Variants in SPTBN1 observed in about 807,000 individuals in gnomAD.
SPTBN1 encodes the protein spectrin beta chain, non-erythrocytic 1.
SPTBN1 carries 32 observed loss-of-function variants against 266.4 expected under a neutral mutation model. That is an observed-to-expected ratio of 0.12 (90% confidence interval 0.09 to 0.16). SPTBN1 has a LOEUF of 0.16. SPTBN1 is among the 10% of genes least tolerant of loss of function. The pLI is 1.00. For missense variants in SPTBN1, 2,296 were observed against 3,067.1 expected (o/e 0.75, Z 5.94); for synonymous variants, 1,336 against 1,162.2 (o/e 1.15, Z -3.04).
intron 2 of SPTBN1, among the ~76,000 whole-genome samples, chr2:54,585,248 A>T (rs534069627): frequency 6.6e-5 from 10 of 152,336 alleles, no homozygotes; most frequent in African/African-American, 2.4e-4. Flanking sequence ...GTGTTCCTAT[A>T]ATGCAAAATA....
chr2:54,534,473 A>G (rs1292618317), intron 2 of SPTBN1, among the ~76,000 whole-genome samples: 1 of 152,240 alleles, frequency 6.6e-6, no homozygotes, highest in Non-Finnish European at 1.5e-5. Flanking sequence ...CAAGTTGTTC[A>G]TGAAAGCTAT....
At chr2:54,482,215 T>TA (rs1668135892) in intron 1 of SPTBN1, among the ~76,000 whole-genome samples, 1 of 151,940 alleles carries the variant, frequency 6.6e-6, no homozygotes, top group Non-Finnish European at 1.5e-5. Context: ...TGAGGAGACT[T>TA]AAAAAAATGC....
In SPTBN1 at chr2:54,632,732, A is replaced by G; in HGVS notation, c.3731A>G (p.Asp1244Gly). 3 of 1,614,212 alleles carry G rather than the reference A, an allele frequency of 1.9e-6. No homozygotes were observed. The highest frequency in any genetic ancestry group is 1.3e-5 in the African/African-American group (1 of 75,050). ...GTGAGCGATGGGAACATCAACTCAG[A>G]TCGCATCCAGGAGAAGGTGGACTCT... The part of the protein sequence containing the change: ...RLVSDGNINS[D>G]RIQEKVDSID... The change falls in exon 17 of 36, where the codon GAT (aspartate) becomes GGT (glycine). Residue 1244 changes from aspartate to glycine, a missense_variant. Physicochemically the swap from Asp to Gly is moderately conservative, Grantham distance 94. Coordinates refer to ENST00000356805, the MANE Select transcript of SPTBN1 (RefSeq NM_003128.3).
intron 1 of SPTBN1, chr2:54,520,308 G>A (rs1234414943): frequency 2.0e-5 from 3 of 152,118 alleles, no homozygotes; most frequent in Non-Finnish European, 4.4e-5. Context: ...TCAATATAGA[G>A]GAGAACTAAC....
chr2:54,581,645 G>A (rs1674921309), intron 2 of SPTBN1, among the ~76,000 whole-genome samples: 1 of 134,924 alleles, frequency 7.4e-6, no homozygotes, highest in South Asian at 2.4e-4. Flanking sequence ...TGAAGGTACA[G>A]CCCACAGTTT....
chr2:54,502,895 C>T (rs1011756786), intron 1 of SPTBN1, among the ~76,000 whole-genome samples: 1 of 152,144 alleles, frequency 6.6e-6, no homozygotes, highest in Non-Finnish European at 1.5e-5. Context: ...CAGGAATGAG[C>T]TCTGCACGGA....
rs549602193 is a variant in SPTBN1, at chr2:54,516,131, G to A, written c.-47-10241G>A. 10 of 152,184 alleles carry A rather than the reference G, an allele frequency of 6.6e-5. No homozygotes were observed. In the South Asian group the frequency reaches 2.1e-3, roughly 32 times the overall value. The allele number at this position is 152,184 out of a possible 1,614,324, so 9.4% of individuals were successfully genotyped here. ...CTATTAAAGGGTTCTTGCCTTAGAG[G>A]GTAGGCCAATTTGTTCATTTAAAGC... On this transcript the variant is annotated intron_variant, in intron 1 of 35. Coordinates refer to ENST00000356805, the MANE Select transcript of SPTBN1 (RefSeq NM_003128.3).
At chr2:54,483,058 A>C (rs1365488441) in intron 1 of SPTBN1, among the ~76,000 whole-genome samples, 1 of 152,154 alleles carries the variant, frequency 6.6e-6, no homozygotes, top group Non-Finnish European at 1.5e-5. Flanking sequence ...CAGGGAAGAG[A>C]GAATGCAGCT....
Position 54,558,892 on chromosome 2 carries a change from GC to G in SPTBN1, c.148+32331del, listed in dbSNP as rs752486027. On this transcript the variant is annotated intron_variant, in intron 2 of 35. Transcript: ENST00000356805. This position sits in a 1 kb window ranked among gnomAD's most constrained non-coding sequence, Gnocchi z 4.6. ...GCAGATTCAAGCAGCTGCAAGGTAAGCCCCCTCCCAAAGGCCGGGCCTGTCC... is the reference window on the plus strand; with the variant it reads ...GCAGATTCAAGCAGCTGCAAGGTAAGCCCCTCCCAAAGGCCGGGCCTGTCC... The G allele has an allele frequency of 1.2e-6, 2 of 1,612,516 alleles. No homozygotes were observed. The highest frequency in any genetic ancestry group is 1.7e-5 in the Admixed American group (1 of 59,888).
At chr2:54,566,259 G>C (rs1359907839) in intron 2 of SPTBN1, among the ~76,000 whole-genome samples, 4 of 147,500 alleles carry the variant, frequency 2.7e-5, no homozygotes, top group Non-Finnish European at 5.9e-5. Context: ...CATGATCTCA[G>C]CTCACCGCAA....
At chr2:54,537,085 G>A (rs995488004) in intron 2 of SPTBN1, among the ~76,000 whole-genome samples, 1 of 152,128 alleles carries the variant, frequency 6.6e-6, no homozygotes, top group African/African-American at 2.4e-5. Flanking sequence ...TCATGCAAAT[G>A]AGCCCTGAAA....
In SPTBN1 at chr2:54,540,115, A is replaced by G. The variant is rs1394861547; in HGVS notation, c.148+13549A>G. Among the ~76,000 whole-genome samples the G allele has an allele frequency of 2.6e-5, 4 of 152,156 alleles. No homozygotes were observed. Among genetic ancestry groups the G allele is most frequent in the Admixed American group, 2.6e-4 (4 of 15,274 alleles). On this transcript the variant is annotated intron_variant, in intron 2 of 35. Transcript: ENST00000356805. This position sits in a 1 kb window ranked among gnomAD's most constrained non-coding sequence, Gnocchi z 5.6. ...TCACCAAGAACCCAACCATGCTGGC[A>G]CCCTGACTTCCAGCCTCCAGAACTG... is the stretch of plus-strand genomic sequence containing the variant.
chr2:54,654,478 CTA>C (rs1680519018), intron 27 of SPTBN1, among the ~76,000 whole-genome samples: 1 of 152,192 alleles, frequency 6.6e-6, no homozygotes, highest in African/African-American at 2.4e-5. Context: ...AATTGAGAAA[CTA>C]TGCTGCAATA....
At chr2:54,532,809 G>A (rs186603977) in intron 2 of SPTBN1, among the ~76,000 whole-genome samples, 32 of 152,204 alleles carry the variant, frequency 2.1e-4, no homozygotes, top group African/African-American at 7.5e-4. Context: ...TAAAGACTAC[G>A]TCTTCCCCTA....
chr2:54,660,328 C>T lies in SPTBN1; in HGVS notation c.6420+329C>T, dbSNP rs530247488. 153 of 1,258,018 alleles carry T rather than the reference C, an allele frequency of 1.2e-4. No homozygotes were observed. The African/African-American group carries it at 2.0e-3, about 17-fold the overall frequency. The allele number at this position is 1,258,018 out of a possible 1,614,324, so 77.9% of individuals were successfully genotyped here. A position where few individuals can be genotyped will look rare whatever the true frequency, so the allele number is the denominator to read the frequency against. ...TTTTTACTTTATTAAGATTTTACAG[C>T]GAAACCCTTACATGAGTAATTGAAA... On this transcript the variant is annotated intron_variant, in intron 32 of 35. Transcript: ENST00000356805.
chr2:54,574,545 TC>T (rs1344591242), intron 2 of SPTBN1, among the ~76,000 whole-genome samples: 1 of 152,220 alleles, frequency 6.6e-6, no homozygotes, highest in African/African-American at 2.4e-5. Flanking sequence ...GTTTCCTTCC[TC>T]CTGCCTTTGG....
At chr2:54,654,382 A>G (rs1204646019) in intron 27 of SPTBN1, among the ~76,000 whole-genome samples, 1 of 152,192 alleles carries the variant, frequency 6.6e-6, no homozygotes, top group Admixed American at 6.5e-5. Flanking sequence ...GTTTCATGCA[A>G]ATTAGTGAAG....
At chr2:54,617,410 A>G (rs773215991) in intron 5 of SPTBN1, among the ~76,000 whole-genome samples, 198 bp from the exon 6 acceptor site, 1 of 152,236 alleles carries the variant, frequency 6.6e-6, no homozygotes, top group Admixed American at 6.5e-5. Flanking sequence ...GAAAAGCCAC[A>G]TGGATGCATG....
intron 2 of SPTBN1, among the ~76,000 whole-genome samples, chr2:54,539,737 T>A (rs979580737): frequency 2.0e-5 from 3 of 152,198 alleles, no homozygotes; most frequent in Non-Finnish European, 2.9e-5. Context: ...AGACGAATTT[T>A]GGCCATGTTG....
Sources: allele counts gnomAD v4.1 joint callset (sites outside exome capture counted in the v4.1 genomes callset), GRCh38; gene constraint gnomAD v4.1.1; non-coding constraint Gnocchi (gnomAD v3.1); transcripts MANE v1.5; gene names NCBI Gene and HGNC (gene_info 2026-07-23, HGNC 2026-07-21).